GRM8: variants seen among roughly 807,000 people sequenced by gnomAD.
The protein encoded by GRM8 is metabotropic glutamate receptor 8.
In GRM8, 47 loss-of-function variants were observed where a neutral mutation model predicts 87.2. The observed-to-expected ratio is 0.54, with a 90% CI of 0.43 to 0.69. The LOEUF is 0.69. Among genes scored for constraint, GRM8 ranks in the 30% least tolerant of loss-of-function variants. The pLI is 0.00. For missense variants in GRM8, 1,019 were observed against 1,139.2 expected, an observed-to-expected ratio of 0.89 and a Z score of 1.52; for synonymous variants, 396 against 404.5, an observed-to-expected ratio of 0.98 and a Z score of 0.25.
intron 7 of GRM8, among the ~76,000 whole-genome samples, chr7:126,693,008 A>C (rs576523044): frequency 1.3e-5 from 2 of 152,320 alleles, no homozygotes; most frequent in Middle Eastern, 6.8e-3. Context: ...CCTTCACCCC[A>C]CTTCACTCTC....
intron 3 of GRM8, among the ~76,000 whole-genome samples, chr7:126,957,220 G>A (rs1332992620): frequency 1.3e-5 from 2 of 152,098 alleles, no homozygotes; most frequent in African/African-American, 2.4e-5. Context: ...CTAAAGCATG[G>A]TAACTGAAAA....
At chr7:126,602,486 T>A (rs1797905589) in intron 8 of GRM8, among the ~76,000 whole-genome samples, 1 of 137,168 alleles carries the variant, frequency 7.3e-6, no homozygotes, top group Non-Finnish European at 1.6e-5. Flanking sequence ...ATTGGTAGCT[T>A]GATGGGGATG....
At chr7:126,915,922 C>A (rs1466292324) in intron 3 of GRM8, among the ~76,000 whole-genome samples, 1 of 152,116 alleles carries the variant, frequency 6.6e-6, no homozygotes, top group Non-Finnish European at 1.5e-5. Context: ...GTGTTGTGTG[C>A]ATTTGTATTT....
intron 2 of GRM8, among the ~76,000 whole-genome samples, chr7:127,144,462 T>C (rs561635804): frequency 6.6e-6 from 1 of 152,238 alleles, no homozygotes; most frequent in East Asian, 1.9e-4. Context: ...TACTGATCTA[T>C]GAGATATCAT....
intron 7 of GRM8, among the ~76,000 whole-genome samples, chr7:126,629,433 T>C (rs1207649246): frequency 6.6e-6 from 1 of 152,182 alleles, no homozygotes; most frequent in Non-Finnish European, 1.5e-5. Context: ...AAGTTTCAAA[T>C]TGTTCTTTTA....
intron 6 of GRM8, among the ~76,000 whole-genome samples, chr7:126,773,408 G>T (rs1819064746): frequency 6.6e-6 from 1 of 151,974 alleles, no homozygotes; most frequent in Non-Finnish European, 1.5e-5. Context: ...TAAGGAATTT[G>T]GAAATTTTTT....
chr7:126,717,306 G>C (rs1011898924), intron 7 of GRM8, among the ~76,000 whole-genome samples: 1 of 152,170 alleles, frequency 6.6e-6, no homozygotes, highest in Admixed American at 6.5e-5. Flanking sequence ...TGGTGTGACT[G>C]ACAGGAAGGT....
At chr7:126,456,151 A>G (rs1462391341) in intron 9 of GRM8, among the ~76,000 whole-genome samples, 1 of 151,640 alleles carries the variant, frequency 6.6e-6, no homozygotes, top group Non-Finnish European at 1.5e-5. Flanking sequence ...TAACTATAAA[A>G]CAATCATAAA....
chr7:126,982,353 T>C (rs2131866476), intron 3 of GRM8, among the ~76,000 whole-genome samples: 1 of 152,302 alleles, frequency 6.6e-6, no homozygotes, highest in Non-Finnish European at 1.5e-5. Context: ...GGATCAATAC[T>C]TTGAGTCCTT....
At chr7:126,894,221 C>A (rs997862931) in intron 6 of GRM8, among the ~76,000 whole-genome samples, 3 of 152,050 alleles carry the variant, frequency 2.0e-5, no homozygotes, top group Non-Finnish European at 4.4e-5. Flanking sequence ...GACAATTTAT[C>A]CTAATGTTTC....
At chr7:127,015,876 C>T (rs1022682495) in intron 3 of GRM8, among the ~76,000 whole-genome samples, 10 of 152,104 alleles carry the variant, frequency 6.6e-5, no homozygotes, top group African/African-American at 2.2e-4. Flanking sequence ...TGAATAGTGA[C>T]AATCAATTCA....
intron 3 of GRM8, among the ~76,000 whole-genome samples, chr7:127,040,379 G>A (rs534870785): frequency 7.9e-5 from 12 of 152,208 alleles, no homozygotes; most frequent in African/African-American, 2.9e-4. Flanking sequence ...TGCCCAGCAA[G>A]GACTTTACAC....
At chr7:126,870,847 G>C (rs1480962313) in intron 6 of GRM8, among the ~76,000 whole-genome samples, 2 of 152,158 alleles carry the variant, frequency 1.3e-5, no homozygotes, top group Non-Finnish European at 2.9e-5. Flanking sequence ...AGACTTGCTT[G>C]ATGTAGGGTT....
At chr7:126,644,420 C>A (rs576773376) in intron 7 of GRM8, among the ~76,000 whole-genome samples, 1 of 152,206 alleles carries the variant, frequency 6.6e-6, no homozygotes, top group South Asian at 2.1e-4. Flanking sequence ...GATGCCGTGA[C>A]CATATGGCAG....
Position 126,915,077 on chromosome 7 carries a change from C to T in GRM8, c.728-10394G>A, listed in dbSNP as rs190879034. On this transcript the variant is annotated intron_variant, in intron 3 of 10. Coordinates refer to ENST00000339582, the MANE Select transcript of GRM8 (RefSeq NM_000845.3). ...GGTAGGTTCACAGGGTCAGCGTCCACGCTGGGCTCTCACTCAGCCACAACT... is the reference window on the plus strand; with the variant it reads ...GGTAGGTTCACAGGGTCAGCGTCCATGCTGGGCTCTCACTCAGCCACAACT... Among the ~76,000 whole-genome samples, 690 of 152,312 alleles carry T rather than the reference C, an allele frequency of 4.5e-3. 5 individuals are homozygous for T. Among genetic ancestry groups the T allele is most frequent in the African/African-American group, 0.014 (583 of 41,572 alleles).
chr7:126,555,568 T>G (rs1793049951), intron 8 of GRM8, among the ~76,000 whole-genome samples: 1 of 152,240 alleles, frequency 6.6e-6, no homozygotes, highest in African/African-American at 2.4e-5. Context: ...TCTTATTAAT[T>G]TGTCCAGTTA....
At chr7:127,145,531 T>C (rs1377200579) in intron 2 of GRM8, among the ~76,000 whole-genome samples, 1 of 152,184 alleles carries the variant, frequency 6.6e-6, no homozygotes, top group African/African-American at 2.4e-5. Context: ...CATCAACTTT[T>C]CATATTACTG....
intron 2 of GRM8, among the ~76,000 whole-genome samples, chr7:127,203,685 G>A (rs1203452004): frequency 6.6e-6 from 1 of 151,282 alleles, no homozygotes; most frequent in Non-Finnish European, 1.5e-5. Context: ...TCCAGTCTGG[G>A]CGACACAGCA....
chr7:127,095,163 C>A (rs943591195), intron 3 of GRM8, among the ~76,000 whole-genome samples: 6 of 152,188 alleles, frequency 3.9e-5, no homozygotes, highest in African/African-American at 1.4e-4. Flanking sequence ...CTCCAAGGAT[C>A]TGAAGTGTAA....
Sources: gnomAD v4.1 joint callset for allele counts (sites outside exome capture counted in the v4.1 genomes callset) on GRCh38, gnomAD v4.1.1 for gene constraint, MANE v1.5 for transcripts, NCBI Gene and HGNC (gene_info 2026-07-23, HGNC 2026-07-21) for gene names.